The following STK32B variants were observed in gnomAD, a reference collection of about 807,000 sequenced individuals.
The protein encoded by STK32B is serine/threonine kinase 32B.
STK32B carries 43 observed loss-of-function variants against 52.6 expected under a neutral mutation model. That is an observed-to-expected ratio of 0.82 (90% CI 0.64 to 1.05). The LOEUF (loss-of-function observed/expected upper bound fraction) is 1.05. Among genes scored for constraint, STK32B ranks in the 50% least tolerant of loss-of-function variants. The pLI is 0.00. For missense variants in STK32B, 621 were observed against 534.6 expected (o/e 1.16, Z -1.59); for synonymous variants, 238 against 204.3 (o/e 1.17, Z -1.41).
intron 2 of STK32B, among the ~76,000 whole-genome samples, chr4:5,157,003 G>C (rs544183643): frequency 1.3e-5 from 2 of 151,932 alleles, no homozygotes; most frequent in South Asian, 4.2e-4. Flanking sequence ...AAAAAAAAAA[G>C]ATTTGATTAA....
intron 3 of STK32B, among the ~76,000 whole-genome samples, chr4:5,174,523 T>C (rs552754597): frequency 3.3e-4 from 50 of 152,248 alleles, no homozygotes; most frequent in African/African-American, 1.2e-3. Flanking sequence ...TCAGCATTTG[T>C]TTGTCTGTGA....
At chr4:5,269,868 C>G (rs1178245356) in intron 3 of STK32B, among the ~76,000 whole-genome samples, 1 of 151,162 alleles carries the variant, frequency 6.6e-6, no homozygotes, top group Admixed American at 6.6e-5. Context: ...TACAAAAATT[C>G]TTTACAGTAT....
intron 1 of STK32B, among the ~76,000 whole-genome samples, chr4:5,099,361 A>C (rs1713573131): frequency 6.6e-6 from 1 of 152,274 alleles, no homozygotes; most frequent in South Asian, 2.1e-4. Flanking sequence ...TCTGCCCACC[A>C]TAGAGAGATT....
intron 3 of STK32B, among the ~76,000 whole-genome samples, chr4:5,250,053 C>T (rs1156541945): frequency 1.3e-5 from 2 of 152,134 alleles, no homozygotes; most frequent in Non-Finnish European, 2.9e-5. Flanking sequence ...GAATGACCTC[C>T]AGTTGCATCC....
chr4:5,064,179 G>T lies in STK32B; in HGVS notation c.52+12264G>T, dbSNP rs555589551. 8.0e-5 allele frequency among the ~76,000 whole-genome samples: 12 copies of T among 149,096 alleles called. No homozygotes were observed. The South Asian group carries it at 2.3e-3, about 29-fold the overall frequency. Reference sequence around the variant, plus strand: ...GTCATACTTATTAAGCTTTCCTTGTGGTTTCCTTGTGGTTTATATTTTGTG... The same window carrying T: ...GTCATACTTATTAAGCTTTCCTTGTTGTTTCCTTGTGGTTTATATTTTGTG... On this transcript the variant is annotated intron_variant, in intron 1 of 11. Transcript: ENST00000282908.
chr4:5,182,063 T>TG (rs1720406635), intron 3 of STK32B, among the ~76,000 whole-genome samples: 1 of 152,250 alleles, frequency 6.6e-6, no homozygotes, highest in African/African-American at 2.4e-5. Flanking sequence ...ATTCATGGCA[T>TG]CTTCATATGG....
chr4:5,054,004 T>TAA (rs1239033975), intron 1 of STK32B, among the ~76,000 whole-genome samples: 3 of 91,898 alleles, frequency 3.3e-5, no homozygotes, highest in South Asian at 7.4e-4. Context: ...AATAAATAAA[T>TAA]ATAAATAAAT....
chr4:5,389,692 C>T (rs934989912), intron 4 of STK32B, among the ~76,000 whole-genome samples: 1 of 152,170 alleles, frequency 6.6e-6, no homozygotes, highest in African/African-American at 2.4e-5. Flanking sequence ...CAATCCATCA[C>T]ACTACCTGGA....
chr4:5,037,717 C>G, the STK32B span, among the ~76,000 whole-genome samples: 9 of 152,172 alleles, frequency 5.9e-5, no homozygotes, highest in African/African-American at 2.2e-4. Context: ...TAGATAGTGG[C>G]TCTGGGGACA....
chr4:5,102,122 G>C (rs897510603), intron 1 of STK32B, among the ~76,000 whole-genome samples: 1 of 152,156 alleles, frequency 6.6e-6, no homozygotes, highest in Non-Finnish European at 1.5e-5. Context: ...GTCCTTTCCT[G>C]GTAGAACCCC....
At chr4:5,035,781 ATTT>A in the STK32B span, among the ~76,000 whole-genome samples, 5 of 143,876 alleles carry the variant, frequency 3.5e-5, no homozygotes, top group African/African-American at 2.6e-5. Context: ...GGATCTGTAA[ATTT>A]TTTTTTTTTT....
intron 3 of STK32B, among the ~76,000 whole-genome samples, chr4:5,189,642 G>A (rs540410817): frequency 9.2e-5 from 14 of 152,222 alleles, no homozygotes; most frequent in African/African-American, 2.2e-4. Flanking sequence ...TTCTGCAGAC[G>A]TACATTTTCA....
intron 3 of STK32B, among the ~76,000 whole-genome samples, chr4:5,204,890 A>G (rs775759227): frequency 5.9e-5 from 9 of 152,214 alleles, no homozygotes; most frequent in South Asian, 2.1e-4. Flanking sequence ...AATTTTTTCT[A>G]TCAACTTGAC....
intron 3 of STK32B, among the ~76,000 whole-genome samples, chr4:5,271,657 G>C (rs944387984): frequency 5.4e-4 from 80 of 147,750 alleles, no homozygotes; most frequent in African/African-American, 2.0e-3. Context: ...TCTTCCATTT[G>C]TTTGTATCCT....
At chr4:5,221,297 A>G (rs901687980) in intron 3 of STK32B, among the ~76,000 whole-genome samples, 8 of 152,182 alleles carry the variant, frequency 5.3e-5, no homozygotes, top group African/African-American at 1.9e-4. Context: ...CAGCAATAAA[A>G]TGCACTCAGT....
the STK32B span, among the ~76,000 whole-genome samples, chr4:5,037,913 G>C: frequency 1.3e-5 from 2 of 152,072 alleles, no homozygotes; most frequent in African/African-American, 2.4e-5. Context: ...ATGTTTTTTG[G>C]GTGAATGAAT....
At chr4:5,320,057 GGAACA>G (rs1377470848) in intron 3 of STK32B, among the ~76,000 whole-genome samples, 1 of 152,152 alleles carries the variant, frequency 6.6e-6, no homozygotes, top group East Asian at 1.9e-4. Context: ...GCAGGAGGGT[GGAACA>G]GACACTGATG....
chr4:5,350,686 T>C (rs1011939865), intron 4 of STK32B, among the ~76,000 whole-genome samples: 1 of 152,100 alleles, frequency 6.6e-6, no homozygotes. Flanking sequence ...ACTTAAAATA[T>C]ATAGACTGGA....
intron 3 of STK32B, among the ~76,000 whole-genome samples, chr4:5,249,481 TCCTTCCTTCCTTCCTTCCTTCCTCCCTC>T (rs1560259383): frequency 8.7e-6 from 1 of 115,032 alleles, no homozygotes; most frequent in African/African-American, 3.8e-5. Flanking sequence ...CTTCCTTCCT[TCCTTCCTTCCTTCCTTCCTTCCTCCCTC>T]CCTTCCTTTA....
Sources: gnomAD v4.1 joint callset for allele counts (sites outside exome capture counted in the v4.1 genomes callset) on GRCh38, gnomAD v4.1.1 for gene constraint, MANE v1.5 for transcripts, NCBI Gene and HGNC (gene_info 2026-07-23, HGNC 2026-07-21) for gene names.